PRIM2: variants seen among roughly 807,000 people sequenced by gnomAD.
PRIM2 encodes DNA primase subunit 2, also known as DNA primase large subunit.
In PRIM2, 39 loss-of-function variants were observed where a neutral mutation model predicts 67.3. That is an observed-to-expected ratio of 0.58 (90% CI 0.45 to 0.76). The LOEUF (loss-of-function observed/expected upper bound fraction) is 0.76, where lower values mean the gene tolerates loss of function less well. Ranked by LOEUF, PRIM2 falls within the 30% of genes least tolerant of loss-of-function variation. The pLI is 0.00. For synonymous variants in PRIM2, 143 were observed against 198.7 expected, an observed-to-expected ratio of 0.72 and a Z score of 2.36; for missense variants, 398 against 598.7, an observed-to-expected ratio of 0.66 and a Z score of 3.50.
Position 57,584,012 on chromosome 6 carries a change from G to A in PRIM2, c.1021-17081G>A, listed in dbSNP as rs1319452519. 7.3e-3 allele frequency among the ~76,000 whole-genome samples: 1,106 copies of A among 152,370 alleles called. 1 individual carries two copies. Among genetic ancestry groups the A allele is most frequent in the African/African-American group, 0.025 (1,052 of 41,580 alleles). The stretch of plus-strand genomic sequence containing the variant: ...AAGATCTGTAGAAATGTAAGCTACT[G>A]TTGTTGAAACATCACTAAGTGTTAC... On this transcript the variant is annotated intron_variant, in intron 10 of 13. Transcript: ENST00000615550.
At chr6:57,645,405 A>ATTTTTTTTTTTTTTTTTTTTTTTTT (rs1458949369) in intron 13 of PRIM2, among the ~76,000 whole-genome samples, 2 of 148,668 alleles carry the variant, frequency 1.3e-5, no homozygotes, top group African/African-American at 2.5e-5. Flanking sequence ...TAGTTTTCTA[A>ATTTTTTTTTTTTTTTTTTTTTTTTT]TTTTTTGTTT....
chr6:57,339,384 G>T (rs528843795), intron 5 of PRIM2, among the ~76,000 whole-genome samples: 281 of 152,186 alleles, frequency 1.8e-3, no homozygotes, highest in Non-Finnish European at 3.4e-3. Flanking sequence ...CCAAAAAAGA[G>T]CCCGCATCGC....
chr6:57,585,129 T>TAG (rs1281564339), intron 10 of PRIM2, among the ~76,000 whole-genome samples: 1 of 152,154 alleles, frequency 6.6e-6, no homozygotes, highest in Admixed American at 6.6e-5. Context: ...TATGAGGAGT[T>TAG]AGAGAGAGTA....
chr6:57,511,642 T>A (rs1163135770), intron 8 of PRIM2, among the ~76,000 whole-genome samples: 1 of 152,114 alleles, frequency 6.6e-6, no homozygotes, highest in Non-Finnish European at 1.5e-5. Context: ...TATTCTTTTT[T>A]TGTTGTTTTA....
intron 7 of PRIM2, among the ~76,000 whole-genome samples, chr6:57,395,136 G>C (rs1178805471): frequency 2.0e-5 from 3 of 152,048 alleles, no homozygotes; most frequent in Non-Finnish European, 2.9e-5. Flanking sequence ...TTTTGGTTAT[G>C]TTGTTTCCTG....
chr6:57,312,013 G>A (rs1329115742), upstream of PRIM2, among the ~76,000 whole-genome samples: 2 of 98,290 alleles, frequency 2.0e-5, no homozygotes, highest in African/African-American at 8.2e-5. Context: ...CGTAGAAAGG[G>A]GAGAGGGGAG....
rs1227220865 is a variant in PRIM2 at position 57,638,576 on chromosome 6, CAAAAAA to C, written c.1299+6393_1299+6398del. Among the ~76,000 whole-genome samples, 86 of 32,034 alleles carry C rather than the reference CAAAAAA, an allele frequency of 2.7e-3. 1 individual carries two copies. Among genetic ancestry groups the C allele is most frequent in the African/African-American group, 0.01 (79 of 7,850 alleles). The allele number at this position is 32,034 out of a possible 152,430, so 21.0% of individuals were successfully genotyped here. On this transcript the variant is annotated intron_variant, in intron 13 of 13. Transcript: ENST00000615550. ...GAATATTTACCAAGCAAACAGAAAG[CAAAAAA>C]AAAAAAAAAAAAAAAAAGCAGGGAT...
At chr6:57,227,641 CAAAAAAAAAAAA>C in the PRIM2 span, among the ~76,000 whole-genome samples, 1 of 84,080 alleles carries the variant, frequency 1.2e-5, no homozygotes, top group Non-Finnish European at 2.3e-5. Flanking sequence ...GAGACCATCT[CAAAAAAAAAAAA>C]AAAAAAAAAG....
intron 5 of PRIM2, among the ~76,000 whole-genome samples, chr6:57,334,693 AC>A (rs1355356484): frequency 1.3e-5 from 2 of 152,144 alleles, no homozygotes; most frequent in African/African-American, 4.8e-5. Flanking sequence ...TTTTCACCTC[AC>A]AGATTAGTGA....
chr6:57,408,683 G>T (rs1323348593), intron 7 of PRIM2, among the ~76,000 whole-genome samples: 1 of 152,084 alleles, frequency 6.6e-6, no homozygotes, highest in African/African-American at 2.4e-5. Flanking sequence ...GGCTTTTGTT[G>T]ATCTGCATTG....
At chr6:57,336,151 T>G (rs1425882355) in intron 5 of PRIM2, among the ~76,000 whole-genome samples, 2 of 151,474 alleles carry the variant, frequency 1.3e-5, no homozygotes, top group African/African-American at 2.4e-5. Flanking sequence ...AGAAGGGAAG[T>G]TTAGAGAAAA....
intron 7 of PRIM2, among the ~76,000 whole-genome samples, chr6:57,462,050 A>G (rs1773024301): frequency 1.3e-5 from 2 of 152,358 alleles, no homozygotes; most frequent in Non-Finnish European, 2.9e-5. Flanking sequence ...TGACTGACAC[A>G]GGTATCTGTC....
At chr6:57,446,640 C>A (rs1340817989) in intron 7 of PRIM2, among the ~76,000 whole-genome samples, 1 of 151,926 alleles carries the variant, frequency 6.6e-6, no homozygotes. Flanking sequence ...AATATCCATT[C>A]AGTTATTAGT....
chr6:57,368,882 A>G (rs1769455480), intron 5 of PRIM2, among the ~76,000 whole-genome samples: 1 of 152,200 alleles, frequency 6.6e-6, no homozygotes, highest in African/African-American at 2.4e-5. Flanking sequence ...TTCATGGGCC[A>G]GCTACAACCC....
At chr6:57,622,073 C>T (rs1161587317) in intron 12 of PRIM2, among the ~76,000 whole-genome samples, 1 of 152,096 alleles carries the variant, frequency 6.6e-6, no homozygotes, top group Non-Finnish European at 1.5e-5. Context: ...GCCTAAGCCT[C>T]CCAAGTAGCT....
chr6:57,449,956 C>CAAAG (rs1324765540), intron 7 of PRIM2, among the ~76,000 whole-genome samples: 1 of 152,090 alleles, frequency 6.6e-6, no homozygotes, highest in Non-Finnish European at 1.5e-5. Flanking sequence ...ACTGACTACA[C>CAAAG]AAAGGAACAA....
At chr6:57,525,365 A>T (rs1276676229) in intron 8 of PRIM2, among the ~76,000 whole-genome samples, 164 of 152,248 alleles carry the variant, frequency 1.1e-3, no homozygotes, top group Non-Finnish European at 2.0e-3. Context: ...TGATAAAAAT[A>T]TTAAAACAAC....
the PRIM2 span, among the ~76,000 whole-genome samples, chr6:57,283,588 G>A: frequency 6.6e-6 from 1 of 152,094 alleles, no homozygotes; most frequent in Non-Finnish European, 1.5e-5. Flanking sequence ...GTGGCTTTGG[G>A]AAAGTGCTAA....
chr6:57,496,838 A>G (rs1774014847), intron 7 of PRIM2, among the ~76,000 whole-genome samples: 1 of 152,220 alleles, frequency 6.6e-6, no homozygotes, highest in Admixed American at 6.5e-5. Context: ...TTTGGCTGAA[A>G]AAAATGTCAT....
Sources: allele counts gnomAD v4.1 joint callset (sites outside exome capture counted in the v4.1 genomes callset), GRCh38; gene constraint gnomAD v4.1.1; transcripts MANE v1.5; gene names NCBI Gene and HGNC (gene_info 2026-07-23, HGNC 2026-07-21).